The following REPS2 variants were observed in gnomAD, a reference collection of about 807,000 sequenced individuals.
REPS2 encodes ralBP1-associated Eps domain-containing protein 2.
In REPS2, 23 loss-of-function variants were observed where a neutral mutation model predicts 53.6. The ratio of observed to expected loss-of-function variants is 0.43; its 90% CI spans 0.31 to 0.61. The LOEUF (loss-of-function observed/expected upper bound fraction) is 0.61. REPS2 is among the 20% of genes least tolerant of loss of function. The probability of loss-of-function intolerance (pLI) is 0.11; values close to 1 mark genes in which losing one functional copy is unlikely to be tolerated. For synonymous variants in REPS2, 238 were observed against 218.6 expected, an observed-to-expected ratio of 1.09 and a Z score of -0.78; for missense variants, 446 against 534.9, an observed-to-expected ratio of 0.83 and a Z score of 1.64.
downstream of REPS2, among the ~76,000 whole-genome samples, chrX:17,153,569 T>C (rs945887482): frequency 8.9e-6 from 1 of 111,820 alleles, no homozygotes; most frequent in Non-Finnish European, 1.9e-5. Context: ...CAGTGTTCTT[T>C]TGTTCAAAAA....
intron 1 of REPS2, among the ~76,000 whole-genome samples, chrX:16,952,174 C>T (rs767517038): frequency 9.0e-6 from 1 of 111,061 alleles, no homozygotes; most frequent in Admixed American, 9.6e-5. Flanking sequence ...ATTTGCTGCA[C>T]CCATCAACCC....
chrX:16,950,171 A>T (rs1466656000), intron 1 of REPS2, among the ~76,000 whole-genome samples: 1 of 110,368 alleles, frequency 9.1e-6, no homozygotes, highest in Non-Finnish European at 1.9e-5. Flanking sequence ...TTCATGTAGT[A>T]CTATGCACTT....
chrX:16,995,078 C>T, intron 1 of REPS2, among the ~76,000 whole-genome samples: 1 of 112,383 alleles, frequency 8.9e-6, no homozygotes, highest in Middle Eastern at 4.6e-3. Context: ...ATGAAGCCAG[C>T]ATTGTGGTTT....
intron 1 of REPS2, among the ~76,000 whole-genome samples, chrX:17,005,768 T>A (rs754191210): frequency 8.9e-6 from 1 of 112,231 alleles, no homozygotes; most frequent in South Asian, 3.7e-4. Context: ...AGGAAATTGT[T>A]TTGCCTGAGG....
At chrX:17,012,543 A>AT (rs74408882) in intron 2 of REPS2, among the ~76,000 whole-genome samples, 58 of 104,889 alleles carry the variant, frequency 5.5e-4, no homozygotes, top group East Asian at 8.9e-4. Flanking sequence ...TGAAGTTGTA[A>AT]TTTTTTTTTT....
chrX:17,059,592 C>T (rs2062128424), intron 8 of REPS2, among the ~76,000 whole-genome samples: 1 of 110,073 alleles, frequency 9.1e-6, no homozygotes, highest in African/African-American at 3.3e-5. Flanking sequence ...CTCAGCCTCT[C>T]GAGTAGCTGG....
chrX:16,955,548 G>T (rs1204521045), intron 1 of REPS2, among the ~76,000 whole-genome samples: 1 of 111,652 alleles, frequency 9.0e-6, no homozygotes, highest in Non-Finnish European at 1.9e-5. Context: ...CCAACACTTG[G>T]TTGCAGAATT....
chrX:16,980,984 G>T (rs1158310299), intron 1 of REPS2, among the ~76,000 whole-genome samples: 2 of 112,506 alleles, frequency 1.8e-5, no homozygotes, highest in Non-Finnish European at 3.8e-5. Context: ...AAAGTACTTT[G>T]CAGTCATATC....
Position 17,054,837 on chromosome X carries a change from C to T in REPS2, c.1001C>T (p.Ala334Val). 4 of 1,210,936 alleles carry T rather than the reference C, an allele frequency of 3.3e-6. No homozygotes were observed. Among genetic ancestry groups the T allele is most frequent in the Non-Finnish European group, 4.5e-6 (4 of 895,058 alleles). Residue 334 changes from alanine (A) to valine (V), a missense_variant, in exon 8 of 18, where the codon GCC becomes GTC. Coordinates refer to ENST00000357277, the MANE Select transcript of REPS2 (RefSeq NM_004726.3). ...WELSDADCDGALTLPEFCAAF... is the reference protein window; with the variant it reads ...WELSDADCDGVLTLPEFCAAF... ...CTTAGTGATGCTGACTGTGATGGAG[C>T]CCTGACCCTGCCTGAGTTCTGTGCT...
chrX:17,072,593 G>C (rs1472577048), intron 11 of REPS2, among the ~76,000 whole-genome samples: 1 of 112,716 alleles, frequency 8.9e-6, no homozygotes, highest in Non-Finnish European at 1.9e-5. Flanking sequence ...ACCATGGTCT[G>C]ATTTGGGGAA....
the REPS2 span, among the ~76,000 whole-genome samples, chrX:17,166,484 T>C: frequency 8.9e-6 from 1 of 112,372 alleles, no homozygotes; most frequent in Non-Finnish European, 1.9e-5. Context: ...CTGAGATTTT[T>C]ACAGTCATGA....
chrX:17,086,344 G>A (rs759919110), intron 13 of REPS2, among the ~76,000 whole-genome samples: 8 of 112,307 alleles, frequency 7.1e-5, no homozygotes, highest in South Asian at 3.7e-4. Flanking sequence ...ATGGGTTTAC[G>A]TAGTATTGGC....
At chrX:17,063,430 A>T (rs1004436559) in intron 9 of REPS2, among the ~76,000 whole-genome samples, 1 of 111,508 alleles carries the variant, frequency 9.0e-6, no homozygotes, top group Non-Finnish European at 1.9e-5. Flanking sequence ...TGAGGCCCTC[A>T]TGCCTGTAGC....
At chrX:17,157,968 C>A (rs770994328), downstream of REPS2, among the ~76,000 whole-genome samples, 2 of 111,864 alleles carry the variant, frequency 1.8e-5, no homozygotes, top group Admixed American at 1.9e-4. Context: ...AAATTGGAGA[C>A]TGCATACCCT....
chrX:16,983,542 G>T (rs2061048938), intron 1 of REPS2, among the ~76,000 whole-genome samples: 1 of 112,100 alleles, frequency 8.9e-6, no homozygotes, highest in African/African-American at 3.2e-5. Flanking sequence ...TCACTGTGTT[G>T]CCCAGACTGG....
chrX:17,077,328 C>T lies in REPS2; in HGVS notation c.1437C>T (p.Thr479=). Reference sequence around the variant, plus strand: ...TGAAAAGGGGCGAGGACCCTCCCACCCCGCCACCTCGGCCACAGAAAACCC... The same window carrying T: ...TGAAAAGGGGCGAGGACCCTCCCACTCCGCCACCTCGGCCACAGAAAACCC... ...EAMKRGEDPP[T]PPPRPQKTHS... The change falls in exon 13 of 18, where the codon ACC becomes ACT. Residue 479 remains threonine, a synonymous_variant. Coordinates refer to ENST00000357277, the MANE Select transcript of REPS2 (RefSeq NM_004726.3). The T allele has an allele frequency of 8.3e-7, 1 of 1,209,952 alleles. No homozygotes were observed. The highest frequency in any genetic ancestry group is 3.0e-5 in the East Asian group (1 of 33,748).
chrX:17,060,796 G>A (rs1204291647), intron 8 of REPS2, among the ~76,000 whole-genome samples: 2 of 110,731 alleles, frequency 1.8e-5, no homozygotes, highest in African/African-American at 3.3e-5. Flanking sequence ...AACATATGAC[G>A]GGCAATAATG....
chrX:17,132,439 G>A (rs770703011), intron 14 of REPS2, among the ~76,000 whole-genome samples: 5 of 112,781 alleles, frequency 4.4e-5, no homozygotes, highest in African/African-American at 9.7e-5. Context: ...GTGTGTCAAC[G>A]TCAGACAGTC....
intron 7 of REPS2, among the ~76,000 whole-genome samples, chrX:17,053,414 G>C (rs2062028409): frequency 9.0e-6 from 1 of 111,256 alleles, no homozygotes; most frequent in Non-Finnish European, 1.9e-5. Flanking sequence ...GGCTCACTCT[G>C]TCACCCAGGC....
Sources: allele counts gnomAD v4.1 joint callset (sites outside exome capture counted in the v4.1 genomes callset), GRCh38; gene constraint gnomAD v4.1.1; transcripts MANE v1.5; gene names NCBI Gene and HGNC (gene_info 2026-07-23, HGNC 2026-07-21).